The following ARSJ variants were observed in gnomAD, a reference collection of about 807,000 sequenced individuals.
ARSJ encodes the protein arylsulfatase J.
Under a neutral mutation model 35.9 loss-of-function variants are expected in ARSJ, and 26 were observed. The ratio of observed to expected loss-of-function variants is 0.72; its 90% CI spans 0.53 to 1.00. The LOEUF is 1.00. Among genes scored for constraint, ARSJ ranks in the 50% least tolerant of loss-of-function variants. ARSJ has a pLI of 0.00. For missense variants in ARSJ, 667 were observed against 723.6 expected (o/e 0.92, Z 0.90); for synonymous variants, 294 against 267.6 (o/e 1.10, Z -0.96).
intron 1 of ARSJ, among the ~76,000 whole-genome samples, chr4:113,959,551 A>G (rs1016024451): frequency 2.0e-5 from 3 of 152,036 alleles, no homozygotes; most frequent in African/African-American, 7.2e-5. Flanking sequence ...CCCTGTTTTC[A>G]TGTCTTATCT....
rs537174424 is a variant in ARSJ at position 113,941,986 on chromosome 4, C to G, written c.398+36451G>C. 1.7e-4 allele frequency among the ~76,000 whole-genome samples: 26 copies of G among 151,974 alleles called. 1 individual carries two copies. The South Asian group carries it at 4.8e-3, about 28-fold the overall frequency. ...GAGCAGGTGACAGAGATATCAACCA[C>G]TTGAAATCCCTGAAGTATGACTAGA... is the stretch of plus-strand genomic sequence containing the variant. On this transcript the variant is annotated intron_variant, in intron 1 of 1. Transcript: ENST00000315366.
chr4:113,902,554 T>C lies in ARSJ; in HGVS notation c.1520A>G (p.Asp507Gly), dbSNP rs2099667451. 2.5e-6 allele frequency: 4 copies of C among 1,614,038 alleles called. No individual in the cohort carries two copies. In the South Asian group the frequency reaches 3.3e-5, roughly 13 times the overall value. ...GATTCCTGGATACCTGTTAGATAGG[T>C]CCACCCTCTCATATGGGTCGGCTGT... ...NITADPYERV[D>G]LSNRYPGIVK... The change falls in exon 2 of 2, where the codon GAC becomes GGC. Residue 507 changes from aspartate to glycine, a missense_variant. By Grantham distance (94) the Asp-to-Gly change is moderately conservative. Transcript: ENST00000315366.
In ARSJ at chr4:113,902,746, G is replaced by A; in HGVS notation, c.1328C>T (p.Thr443Ile). 1 of 1,614,218 alleles carries A rather than the reference G, an allele frequency of 6.2e-7. No homozygotes were observed. Among genetic ancestry groups the A allele is most frequent in the South Asian group, 1.1e-5 (1 of 91,084 alleles). ...CACTCTGATGGCTGACTGGATTGCA[G>A]TGTTCCAGATCCCATAGCCTGCTGC... is the stretch of plus-strand genomic sequence containing the variant. Reference protein sequence around the residue: ...SWAAGYGIWNTAIQSAIRVQH... With the variant: ...SWAAGYGIWNIAIQSAIRVQH... Residue 443 changes from threonine to isoleucine, a missense_variant, in exon 2 of 2, where the codon ACT (threonine) becomes ATT (isoleucine). By Grantham distance (89) the Thr-to-Ile change is moderately conservative. Coordinates refer to ENST00000315366, the MANE Select transcript of ARSJ (RefSeq NM_024590.4).
Position 113,902,230 on chromosome 4 carries a change from G to A in ARSJ, c.*44C>T. 2.5e-6 allele frequency: 4 copies of A among 1,601,548 alleles called. No homozygotes were observed. The highest frequency in any genetic ancestry group is 3.4e-6 in the Non-Finnish European group (4 of 1,179,954). ...TGGTTTACCTAGGAAACAGATGAAA[G>A]ATAAGAACTGATTAAAGTTTAACCA... is the stretch of plus-strand genomic sequence containing the variant. On this transcript the variant is annotated 3_prime_UTR_variant, in exon 2 of 2. Transcript: ENST00000315366.
rs960191766 is a variant in ARSJ, at chr4:113,902,676, C to T, written c.1398G>A (p.Trp466Ter). ...LLTGNPGYSD[W>*]VPPQSFSNLG... ...GGTTGCTGAAAGACTGAGGGGGGAC[C>T]CAGTCGCTGTAGCCAGGATTTCCTG... The change falls in exon 2 of 2, where the codon TGG becomes TGA. Residue 466 changes from tryptophan to a stop codon, truncating the protein, a stop_gained. Coordinates refer to ENST00000315366, the MANE Select transcript of ARSJ (RefSeq NM_024590.4). LOFTEE classifies it high-confidence loss of function. 2.5e-6 allele frequency: 4 copies of T among 1,614,030 alleles called. No individual in the cohort carries two copies. The highest frequency in any genetic ancestry group is 3.4e-6 in the Non-Finnish European group (4 of 1,180,030).
At chr4:113,905,673 T>G in intron 1 of ARSJ, among the ~76,000 whole-genome samples, 1 of 127,184 alleles carries the variant, frequency 7.9e-6, no homozygotes, top group Non-Finnish European at 1.7e-5. Flanking sequence ...TTTTTTTTTT[T>G]TTTTTTTTTT....
intron 1 of ARSJ, among the ~76,000 whole-genome samples, chr4:113,965,925 C>G (rs1386952355): frequency 6.6e-6 from 1 of 151,946 alleles, no homozygotes; most frequent in African/African-American, 2.4e-5. Context: ...TGTGCAAGAA[C>G]CTGGTGTGTT....
At position 113,961,406 on chromosome 4, in the gene ARSJ, A is replaced by T. The variant is rs537323933; in HGVS notation, c.398+17031T>A. ...GGGAATGTTTGGGCTAACATGTTAC[A>T]TCAGATGGAGGTTGGACGTTTTGAT... On this transcript the variant is annotated intron_variant, in intron 1 of 1. Coordinates refer to ENST00000315366, the MANE Select transcript of ARSJ (RefSeq NM_024590.4). 5.0e-4 allele frequency among the ~76,000 whole-genome samples: 76 copies of T among 152,136 alleles called. 1 individual carries two copies. Among genetic ancestry groups the T allele is most frequent in the Admixed American group, 9.8e-4 (15 of 15,252 alleles).
intron 1 of ARSJ, among the ~76,000 whole-genome samples, chr4:113,940,088 T>G (rs1316021195): frequency 1.3e-5 from 2 of 152,138 alleles, no homozygotes; most frequent in African/African-American, 4.8e-5. Context: ...TGGTGATTTC[T>G]TAAAGACCTA....
intron 1 of ARSJ, among the ~76,000 whole-genome samples, chr4:113,958,897 A>T (rs1011779730): frequency 6.6e-6 from 1 of 151,982 alleles, no homozygotes; most frequent in African/African-American, 2.4e-5. Context: ...TTAAATTGCC[A>T]CATTTCTCTT....
chr4:113,902,332 T>G lies in ARSJ; in HGVS notation c.1742A>C (p.Lys581Thr). 1 of 1,613,518 alleles carries G rather than the reference T, an allele frequency of 6.2e-7. No homozygotes were observed. Among genetic ancestry groups the G allele is most frequent in the Non-Finnish European group, 8.5e-7 (1 of 1,179,962 alleles). ...KKQKKSKKKK[K>T]KQQKAVSGST... ...ACCTGAGACTGCTTTCTGCTGTTTC[T>G]TCTTCTTTTTTTTGCTTTTCTTTTG... is the stretch of plus-strand genomic sequence containing the variant. Residue 581 changes from lysine to threonine, a missense_variant, in exon 2 of 2, where the codon AAG becomes ACG. Coordinates refer to ENST00000315366, the MANE Select transcript of ARSJ (RefSeq NM_024590.4).
intron 1 of ARSJ, among the ~76,000 whole-genome samples, chr4:113,931,878 A>G (rs7441542): frequency 0.032 from 4,818 of 152,116 alleles, 189 homozygotes; most frequent in East Asian, 0.21. Flanking sequence ...AACAATCCCA[A>G]TCGGTAAAGA....
chr4:113,951,278 G>A (rs1474296240), intron 1 of ARSJ, among the ~76,000 whole-genome samples: 1 of 152,070 alleles, frequency 6.6e-6, no homozygotes, highest in African/African-American at 2.4e-5. Flanking sequence ...TCTCTTCTAT[G>A]TTAATGTTCT....
Position 113,972,128 on chromosome 4 carries a change from G to A in ARSJ, c.398+6309C>T, listed in dbSNP as rs1252836283. On this transcript the variant is annotated intron_variant, in intron 1 of 1. Coordinates refer to ENST00000315366, the MANE Select transcript of ARSJ (RefSeq NM_024590.4). Reference sequence around the variant, plus strand: ...ACAGGCCACTACCATCCACAGAGGAGGCCTATCTGGATTCTATCTTCCTAG... The same window carrying A: ...ACAGGCCACTACCATCCACAGAGGAAGCCTATCTGGATTCTATCTTCCTAG... Among the ~76,000 whole-genome samples the A allele has an allele frequency of 1.3e-5, 2 of 151,856 alleles. 1 individual carries two copies. Among genetic ancestry groups the A allele is most frequent in the Admixed American group, 1.3e-4 (2 of 15,254 alleles).
intron 1 of ARSJ, among the ~76,000 whole-genome samples, chr4:113,948,652 A>T (rs112206501): frequency 2.4e-4 from 36 of 152,184 alleles, no homozygotes; most frequent in African/African-American, 8.2e-4. Flanking sequence ...TTTTAGCTAT[A>T]TGTATATGTC....
chr4:113,906,694 A>G (rs535985065), intron 1 of ARSJ: 7 of 455,626 alleles, frequency 1.5e-5, no homozygotes, highest in Admixed American at 1.2e-4. Context: ...ACTGCTTATT[A>G]CCTGTATGGT....
chr4:113,967,327 T>C (rs542810773), intron 1 of ARSJ, among the ~76,000 whole-genome samples: 1 of 152,220 alleles, frequency 6.6e-6, no homozygotes, highest in East Asian at 1.9e-4. Context: ...TTTATAGGAG[T>C]AGTTGAGACT....
At chr4:113,940,374 C>T (rs566699804) in intron 1 of ARSJ, among the ~76,000 whole-genome samples, 20 of 152,056 alleles carry the variant, frequency 1.3e-4, no homozygotes, top group Non-Finnish European at 2.5e-4. Flanking sequence ...TTATCCTCAG[C>T]AAACTAATGC....
intron 1 of ARSJ, among the ~76,000 whole-genome samples, chr4:113,912,620 C>CA (rs1225687525): frequency 2.6e-5 from 4 of 151,436 alleles, no homozygotes; most frequent in African/African-American, 9.7e-5. Flanking sequence ...TACATTTTTA[C>CA]AAAAAAATGT....
Sources: gnomAD v4.1 joint callset for allele counts (sites outside exome capture counted in the v4.1 genomes callset) on GRCh38, gnomAD v4.1.1 for gene constraint, MANE v1.5 for transcripts, NCBI Gene and HGNC (gene_info 2026-07-23, HGNC 2026-07-21) for gene names.